SFMBT2: variants seen among roughly 807,000 people sequenced by gnomAD.
SFMBT2 encodes scm-like with four MBT domains protein 2.
In SFMBT2, 38 loss-of-function variants were observed where a neutral mutation model predicts 110.1. That is an observed-to-expected ratio of 0.35 (90% CI 0.27 to 0.45). The LOEUF (loss-of-function observed/expected upper bound fraction) is 0.45, where lower values mean the gene tolerates loss of function less well. Ranked by LOEUF, SFMBT2 falls within the 20% of genes least tolerant of loss-of-function variation. SFMBT2 has a pLI of 1.00. For synonymous variants in SFMBT2, 425 were observed against 425.4 expected (o/e 1.00, Z 0.01); for missense variants, 1,011 against 1,094.9 (o/e 0.92, Z 1.08).
At chr10:7,409,567 C>A (rs1450374986) in intron 1 of SFMBT2, among the ~76,000 whole-genome samples, 1 of 152,104 alleles carries the variant, frequency 6.6e-6, no homozygotes, top group Non-Finnish European at 1.5e-5. Flanking sequence ...CGTTTCGGTG[C>A]CCTGGTCCGG....
intron 1 of SFMBT2, among the ~76,000 whole-genome samples, chr10:7,382,700 A>G (rs907570063): frequency 5.3e-5 from 8 of 152,146 alleles, no homozygotes; most frequent in African/African-American, 1.9e-4. Context: ...TGCCTCAGGA[A>G]GAAGTCCTCA....
intron 4 of SFMBT2, chr10:7,329,487 G>C (rs1843501177): frequency 1.0e-6 from 1 of 985,382 alleles, no homozygotes; most frequent in East Asian, 1.1e-4. Context: ...GTTCTGCAAA[G>C]AGCATGAGCT....
chr10:7,264,499 T>C (rs1841321546), intron 7 of SFMBT2, among the ~76,000 whole-genome samples: 1 of 152,190 alleles, frequency 6.6e-6, no homozygotes, highest in African/African-American at 2.4e-5. Context: ...TATCATGACC[T>C]TGGATCCCTG....
chr10:7,273,482 T>G (rs1346974921), intron 7 of SFMBT2, among the ~76,000 whole-genome samples: 1 of 152,218 alleles, frequency 6.6e-6, no homozygotes, highest in Non-Finnish European at 1.5e-5. Flanking sequence ...AATGTATTTT[T>G]TTAAATTATA....
chr10:7,342,396 CTT>C (rs71382101), intron 4 of SFMBT2, among the ~76,000 whole-genome samples: 1,156 of 69,502 alleles, frequency 0.017, 14 homozygotes, highest in African/African-American at 0.027. Flanking sequence ...TGGAGTGAGT[CTT>C]TTTTTTTTTT....
At chr10:7,249,677 G>A (rs538209876) in intron 7 of SFMBT2, 12 of 387,388 alleles carry the variant, frequency 3.1e-5, no homozygotes, top group South Asian at 1.1e-4. Context: ...GAGCCCAGTC[G>A]GGCAGTGCCT....
rs1845431532 is a variant in SFMBT2, at chr10:7,381,844, C to T, written c.55G>A (p.Glu19Lys). ...CCATTAGCTGAGCCGAGACACTTTT[C>T]CAAGGGTGAAGATGAAGGGTCTTGC... ...NMQDPSSSPL[E>K]KCLGSANGNG... The change falls in exon 2 of 21, where the codon GAA (glutamate) becomes AAA (lysine). Residue 19 changes from glutamate to lysine, a missense_variant. Glu to Lys is a moderately conservative substitution (Grantham distance 56). Transcript: ENST00000397167. 1.9e-6 allele frequency: 3 copies of T among 1,613,638 alleles called. No homozygotes were observed. The highest frequency in any genetic ancestry group is 2.5e-6 in the Non-Finnish European group (3 of 1,179,778).
chr10:7,309,709 T>C (rs1358530014), intron 4 of SFMBT2, among the ~76,000 whole-genome samples: 1 of 152,202 alleles, frequency 6.6e-6, no homozygotes, highest in Non-Finnish European at 1.5e-5. Context: ...AGGGAACATA[T>C]ATGCTCGCCT....
chr10:7,237,143 G>A (rs1328290160), intron 9 of SFMBT2, among the ~76,000 whole-genome samples: 1 of 152,212 alleles, frequency 6.6e-6, no homozygotes, highest in Non-Finnish European at 1.5e-5. Context: ...AACGTGGAGA[G>A]TATTTGGTAC....
chr10:7,281,844 CT>C (rs976153827), intron 6 of SFMBT2, among the ~76,000 whole-genome samples: 2 of 151,852 alleles, frequency 1.3e-5, no homozygotes, highest in African/African-American at 4.8e-5. Flanking sequence ...TTTCCAGAAT[CT>C]TTTTTTTGTT....
At chr10:7,359,669 A>G (rs757554180) in intron 4 of SFMBT2, among the ~76,000 whole-genome samples, 16 of 152,320 alleles carry the variant, frequency 1.1e-4, no homozygotes, top group Non-Finnish European at 1.6e-4. Context: ...AACTTTACAT[A>G]ATCTCATGGT....
intron 4 of SFMBT2, among the ~76,000 whole-genome samples, chr10:7,309,456 T>C (rs966141281): frequency 6.6e-6 from 1 of 152,202 alleles, no homozygotes; most frequent in African/African-American, 2.4e-5. Context: ...CTTTCTTTCC[T>C]ATCTCCAGCT....
chr10:7,315,455 C>T (rs191818699), intron 4 of SFMBT2, among the ~76,000 whole-genome samples: 21 of 152,338 alleles, frequency 1.4e-4, no homozygotes, highest in Admixed American at 3.3e-4. Flanking sequence ...ATTGGCTCTT[C>T]CTGGGTCTCG....
intron 4 of SFMBT2, among the ~76,000 whole-genome samples, chr10:7,289,743 T>C (rs1842207816): frequency 6.6e-6 from 1 of 152,232 alleles, no homozygotes; most frequent in Non-Finnish European, 1.5e-5. Flanking sequence ...CATAAACCTA[T>C]TACAATAAAT....
At chr10:7,234,699 C>G (rs541629358) in intron 9 of SFMBT2, among the ~76,000 whole-genome samples, 1 of 152,256 alleles carries the variant, frequency 6.6e-6, no homozygotes, top group Admixed American at 6.5e-5. Flanking sequence ...ATCTGACAGT[C>G]TCCCTACAGA....
At chr10:7,410,298 C>T (rs1451210328) in intron 1 of SFMBT2, among the ~76,000 whole-genome samples, 1 of 152,256 alleles carries the variant, frequency 6.6e-6, no homozygotes, top group Non-Finnish European at 1.5e-5. Context: ...AATGTCTGCA[C>T]GATTTTTACC....
At position 7,367,917 on chromosome 10, in the gene SFMBT2, C is replaced by T; in HGVS notation, c.196-28G>A. 1 of 1,610,910 alleles carries T rather than the reference C, an allele frequency of 6.2e-7. No homozygotes were observed. Among genetic ancestry groups the T allele is most frequent in the Non-Finnish European group, 8.5e-7 (1 of 1,178,042 alleles). On this transcript the variant is annotated intron_variant, in intron 3 of 20. Transcript: ENST00000397167. The surrounding 1 kb of genome is among the most constrained non-coding windows in gnomAD (Gnocchi z 6.2). ...TAAGGAATCAGAAATAGAGAAAACC[C>T]ATTACTACACTAGACACAATACATC...
intron 1 of SFMBT2, among the ~76,000 whole-genome samples, chr10:7,394,971 T>C (rs1845882354): frequency 6.6e-6 from 1 of 152,102 alleles, no homozygotes; most frequent in African/African-American, 2.4e-5. Context: ...AAACTCTGGA[T>C]GGGTGGTGTG....
chr10:7,384,930 T>C (rs1425006448), intron 1 of SFMBT2, among the ~76,000 whole-genome samples: 1 of 152,110 alleles, frequency 6.6e-6, no homozygotes, highest in East Asian at 1.9e-4. Context: ...TGCTCACACC[T>C]TGTCTCAGAA....
Sources: allele counts gnomAD v4.1 joint callset (sites outside exome capture counted in the v4.1 genomes callset), GRCh38; gene constraint gnomAD v4.1.1; non-coding constraint Gnocchi (gnomAD v3.1); transcripts MANE v1.5; gene names NCBI Gene and HGNC (gene_info 2026-07-23, HGNC 2026-07-21).